ARHGEF10: variants seen among roughly 807,000 people sequenced by gnomAD.
ARHGEF10 encodes Rho guanine nucleotide exchange factor 10, also known as Rho guanine nucleotide exchange factor (GEF) 10.
In ARHGEF10, 140 loss-of-function variants were observed where a neutral mutation model predicts 147.4. That is an observed-to-expected ratio of 0.95 (90% CI 0.83 to 1.09). The LOEUF (loss-of-function observed/expected upper bound fraction) is 1.09. Among genes scored for constraint, ARHGEF10 ranks in the 50% least tolerant of loss-of-function variants. The probability of loss-of-function intolerance (pLI) is 0.00; values close to 1 mark genes in which losing one functional copy is unlikely to be tolerated. For synonymous variants in ARHGEF10, 902 were observed against 695.8 expected, an observed-to-expected ratio of 1.30 and a Z score of -4.67; for missense variants, 2,222 against 1,752.7, an observed-to-expected ratio of 1.27 and a Z score of -4.78.
chr8:1,923,730 G>A (rs2272614), intron 20 of ARHGEF10, 44 bp from the exon 21 acceptor site: 1 of 1,613,330 alleles, frequency 6.2e-7, no homozygotes, highest in East Asian at 2.2e-5. Flanking sequence ...TCACAGGATG[G>A]AGCACGTTTT....
intron 1 of ARHGEF10, among the ~76,000 whole-genome samples, chr8:1,840,137 G>GGA (rs1803903514): frequency 7.9e-6 from 1 of 126,302 alleles, no homozygotes; most frequent in African/African-American, 3.3e-5. Flanking sequence ...CTGTGTGGAA[G>GGA]CTGTCTGGTG....
At chr8:1,839,406 A>C (rs1335773848) in intron 1 of ARHGEF10, among the ~76,000 whole-genome samples, 2 of 113,668 alleles carry the variant, frequency 1.8e-5, no homozygotes, top group African/African-American at 3.7e-5. Context: ...TGCTGTGGGG[A>C]CTGTCTGCTG....
intron 10 of ARHGEF10, among the ~76,000 whole-genome samples, 165 bp from the exon 11 acceptor site, chr8:1,885,436 A>T (rs1285278120): frequency 6.6e-6 from 1 of 152,232 alleles, no homozygotes; most frequent in East Asian, 1.9e-4. Context: ...AGAATATTTT[A>T]TTGGATTTGT....
intron 4 of ARHGEF10, among the ~76,000 whole-genome samples, chr8:1,863,529 C>T (rs374121088): frequency 1.1e-3 from 171 of 152,338 alleles, no homozygotes; most frequent in African/African-American, 2.9e-3. Flanking sequence ...GTGCTGCTGG[C>T]TCTCCTTCCC....
intron 16 of ARHGEF10, 95 bp downstream of exon 16, chr8:1,903,546 T>C: frequency 1.3e-6 from 2 of 1,506,242 alleles, no homozygotes. Flanking sequence ...TTTGGATCGT[T>C]TGGAGTAATT....
rs1200504237 is a variant in ARHGEF10 at position 1,876,706 on chromosome 8, C to G, written c.815C>G (p.Ser272Cys). The G allele has an allele frequency of 1.9e-6, 3 of 1,614,040 alleles. No homozygotes were observed. Among genetic ancestry groups the G allele is most frequent in the African/African-American group, 1.3e-5 (1 of 74,920 alleles). ...GAGTGCAAGAATGGGATTCCCAGGT[C>G]CTTCCTGCGCAGCAACCACAAAAAG... is the stretch of plus-strand genomic sequence containing the variant. Reference protein sequence around the residue: ...DSECKNGIPRSFLRSNHKKQL... With the variant: ...DSECKNGIPRCFLRSNHKKQL... Residue 272 changes from serine to cysteine, a missense_variant, in exon 8 of 29, where the codon TCC becomes TGC. Coordinates refer to ENST00000349830, the MANE Select transcript of ARHGEF10 (RefSeq NM_014629.4).
Position 1,898,467 on chromosome 8 carries a change from T to G in ARHGEF10, c.1592T>G (p.Leu531Arg). The change falls in exon 15 of 29, where the codon CTC becomes CGC. Residue 531 changes from leucine (L) to arginine (R), a missense_variant. Coordinates refer to ENST00000349830, the MANE Select transcript of ARHGEF10 (RefSeq NM_014629.4). Reference sequence around the variant, plus strand: ...GAGGCCAGCCCCGATCGAACCACGCTCTACAGCCTGATGATGAAGCCCATC... The same window carrying G: ...GAGGCCAGCCCCGATCGAACCACGCGCTACAGCCTGATGATGAAGCCCATC... ...EQEASPDRTT[L>R]YSLMMKPIQR... 1 of 1,614,110 alleles carries G rather than the reference T, an allele frequency of 6.2e-7. No homozygotes were observed. The highest frequency in any genetic ancestry group is 8.5e-7 in the Non-Finnish European group (1 of 1,180,022).
At position 1,844,678 on chromosome 8, in the gene ARHGEF10, C is replaced by G. The variant is rs540699347; in HGVS notation, c.37+1242C>G. 3.3e-5 allele frequency among the ~76,000 whole-genome samples: 5 copies of G among 152,252 alleles called. No homozygotes were observed. In the South Asian group the frequency reaches 1.0e-3, roughly 32 times the overall value. On this transcript the variant is annotated intron_variant, in intron 2 of 28. Transcript: ENST00000349830. ...TCTTCTGGGGGTGACGTCGGCCGGT[C>G]TCCTTGCCTTTTTGTCGCCATGGTG...
At chr8:1,914,764 C>T (rs1811630987) in intron 18 of ARHGEF10, among the ~76,000 whole-genome samples, 1 of 152,158 alleles carries the variant, frequency 6.6e-6, no homozygotes, top group South Asian at 2.1e-4. Context: ...CAGGACTCGG[C>T]GCTGGTTTTC....
intron 26 of ARHGEF10, among the ~76,000 whole-genome samples, chr8:1,936,984 G>A (rs1813668644): frequency 6.6e-6 from 1 of 152,074 alleles, no homozygotes; most frequent in Non-Finnish European, 1.5e-5. Flanking sequence ...GGTGCAGATG[G>A]GACCTGGGTC....
intron 2 of ARHGEF10, among the ~76,000 whole-genome samples, chr8:1,849,719 A>AGT (rs1804877965): frequency 7.9e-6 from 1 of 127,222 alleles, no homozygotes. Context: ...TGGGGTGGCC[A>AGT]CGTGGTCACA....
At chr8:1,865,584 C>T (rs918342718) in intron 5 of ARHGEF10, among the ~76,000 whole-genome samples, 3 of 152,320 alleles carry the variant, frequency 2.0e-5, no homozygotes, top group South Asian at 2.1e-4. Context: ...TGGGGCATCC[C>T]GCAGCACCCA....
chr8:1,910,793 T>C (rs921820278), intron 18 of ARHGEF10, among the ~76,000 whole-genome samples: 48 of 152,260 alleles, frequency 3.2e-4, no homozygotes, highest in Non-Finnish European at 7.3e-5. Flanking sequence ...AACACCTTCA[T>C]GTATTTTATA....
At chr8:1,945,324 T>C (rs1188025967) in intron 26 of ARHGEF10, among the ~76,000 whole-genome samples, 157 bp from the exon 27 acceptor site, 1 of 152,226 alleles carries the variant, frequency 6.6e-6, no homozygotes, top group East Asian at 1.9e-4. Flanking sequence ...GTTGGGTTGC[T>C]GGTGTTTGGT....
At chr8:1,845,934 C>T (rs936987950) in intron 2 of ARHGEF10, among the ~76,000 whole-genome samples, 8 of 152,196 alleles carry the variant, frequency 5.3e-5, no homozygotes, top group South Asian at 2.1e-4. Flanking sequence ...TCTCCATAGC[C>T]CCTCCCTCTG....
At position 1,922,979 on chromosome 8, in the gene ARHGEF10, G is replaced by A. The variant is rs767490801; in HGVS notation, c.2159G>A (p.Gly720Glu). 2.5e-6 allele frequency: 4 copies of A among 1,612,516 alleles called. No individual in the cohort carries two copies. In the South Asian group the frequency reaches 3.3e-5, roughly 13 times the overall value. The change falls in exon 19 of 29, where the codon GGG becomes GAG. Residue 720 changes from glycine (G) to glutamate (E), a missense_variant. Transcript: ENST00000349830. The part of the protein sequence containing the change: ...ANAKPNKVYM[G>E]PGQLYQDLQN... ...TATTTTGTAGACAAAGTTTACATGGGGCCAGGACAACTGTATCAAGATTTA... is the reference window on the plus strand; with the variant it reads ...TATTTTGTAGACAAAGTTTACATGGAGCCAGGACAACTGTATCAAGATTTA...
chr8:1,845,820 T>A (rs1160721499), intron 2 of ARHGEF10, among the ~76,000 whole-genome samples: 1 of 152,136 alleles, frequency 6.6e-6, no homozygotes, highest in Non-Finnish European at 1.5e-5. Flanking sequence ...GACTCCACTT[T>A]GTGTGTAGTT....
intron 15 of ARHGEF10, among the ~76,000 whole-genome samples, chr8:1,902,654 C>T (rs754980884): frequency 7.9e-5 from 12 of 152,000 alleles, no homozygotes; most frequent in Non-Finnish European, 1.6e-4. Context: ...CAGGAGCCTG[C>T]GTGGCCACGC....
intron 2 of ARHGEF10, among the ~76,000 whole-genome samples, chr8:1,844,160 C>A (rs1804322955): frequency 2.0e-5 from 3 of 151,980 alleles, no homozygotes; most frequent in Admixed American, 2.0e-4. Context: ...CTGTGGAGGT[C>A]ACGGAATTAA....
Sources: allele counts gnomAD v4.1 joint callset (sites outside exome capture counted in the v4.1 genomes callset), GRCh38; gene constraint gnomAD v4.1.1; transcripts MANE v1.5; gene names NCBI Gene and HGNC (gene_info 2026-07-23, HGNC 2026-07-21).